ADCK1: variants seen among roughly 807,000 people sequenced by gnomAD.
ADCK1 encodes aarF domain containing kinase 1, also known as aarF domain-containing protein kinase 1.
ADCK1 carries 41 observed loss-of-function variants against 52.3 expected under a neutral mutation model. That is an observed-to-expected ratio of 0.78 (90% CI 0.61 to 1.02). The LOEUF is 1.02. Among genes scored for constraint, ADCK1 ranks in the 50% least tolerant of loss-of-function variants. The pLI, the probability that ADCK1 is intolerant of heterozygous loss-of-function variation, is 0.00. For synonymous variants in ADCK1, 250 were observed against 274.6 expected (o/e 0.91, Z 0.89); for missense variants, 658 against 679.5 (o/e 0.97, Z 0.35).
At chr14:77,918,334 C>G (rs1310913487) in intron 7 of ADCK1, among the ~76,000 whole-genome samples, 2 of 152,226 alleles carry the variant, frequency 1.3e-5, no homozygotes, top group Non-Finnish European at 2.9e-5. Flanking sequence ...CTGTCCTCAG[C>G]AACCTTCACC....
intron 3 of ADCK1, among the ~76,000 whole-genome samples, chr14:77,834,355 A>T (rs1263540889): frequency 1.3e-5 from 2 of 152,174 alleles, no homozygotes; most frequent in African/African-American, 4.8e-5. Flanking sequence ...GCAAGGTCGT[A>T]CTTTGAGAAA....
At chr14:77,899,492 TG>T (rs1273815837) in intron 6 of ADCK1, among the ~76,000 whole-genome samples, 1 of 152,226 alleles carries the variant, frequency 6.6e-6, no homozygotes, top group Non-Finnish European at 1.5e-5. Flanking sequence ...AGATGTTTAT[TG>T]AATAATCGAC....
At chr14:77,832,634 C>T (rs1330318842) in intron 3 of ADCK1, among the ~76,000 whole-genome samples, 2 of 152,160 alleles carry the variant, frequency 1.3e-5, no homozygotes, top group African/African-American at 4.8e-5. Flanking sequence ...CTCATTTAAT[C>T]AATAAAACAG....
chr14:77,887,182 C>T lies in ADCK1; in HGVS notation c.515C>T (p.Thr172Met), dbSNP rs142511548. Reference protein sequence around the residue: ...VHKAVLHDGRTVAVKVQHPKV... With the variant: ...VHKAVLHDGRMVAVKVQHPKV... ...AAGGCAGTGCTGCATGATGGGCGGA[C>T]GGTGGCCGTGAAGGTCCAGCACCCA... The change falls in exon 5 of 11, where the codon ACG becomes ATG. Residue 172 changes from threonine to methionine, a missense_variant. Physicochemically the swap from Thr to Met is moderately conservative, Grantham distance 81. Coordinates refer to ENST00000238561, the MANE Select transcript of ADCK1 (RefSeq NM_020421.4). 1.8e-4 allele frequency: 295 copies of T among 1,610,126 alleles called. No homozygotes were observed. The highest frequency in any genetic ancestry group is 2.9e-4 in the East Asian group (13 of 44,422).
At chr14:77,878,801 G>A (rs1425205628) in intron 4 of ADCK1, among the ~76,000 whole-genome samples, 1 of 152,186 alleles carries the variant, frequency 6.6e-6, no homozygotes, top group Non-Finnish European at 1.5e-5. Flanking sequence ...GGGGAATGCT[G>A]AAAGATTAGA....
intron 4 of ADCK1, among the ~76,000 whole-genome samples, chr14:77,886,422 A>G (rs931860477): frequency 1.3e-5 from 2 of 152,258 alleles, no homozygotes; most frequent in African/African-American, 4.8e-5. Context: ...TAGAAGGCAC[A>G]GTGGTGGACA....
At position 77,815,275 on chromosome 14, in the gene ADCK1, C is replaced by T. The variant is rs549017586; in HGVS notation, c.-11-3693C>T. ...CTAGAATGCAGTGGCGTGATCATGG[C>T]TCATTTCAGCCTCGAGACCTCCTAG... On this transcript the variant is annotated intron_variant, in intron 1 of 10. Transcript: ENST00000238561. Among the ~76,000 whole-genome samples the T allele has an allele frequency of 3.4e-5, 5 of 148,564 alleles. No individual in the cohort carries two copies. In the Admixed American group the frequency reaches 3.4e-4, roughly 10 times the overall value.
chr14:77,817,211 C>T (rs1313993878), intron 1 of ADCK1, among the ~76,000 whole-genome samples: 1 of 152,186 alleles, frequency 6.6e-6, no homozygotes, highest in Non-Finnish European at 1.5e-5. Context: ...CACTGCACTC[C>T]CGCCTGGGCG....
rs1363380821 is a variant in ADCK1, at chr14:77,807,117, G to A, written c.-12+6947G>A. Reference sequence around the variant, plus strand: ...GGAGTCTCGCTCTGTCGCCCAGGCTGGAGTGCAGTGGCGGGATCTCGGCTC... The same window carrying A: ...GGAGTCTCGCTCTGTCGCCCAGGCTAGAGTGCAGTGGCGGGATCTCGGCTC... On this transcript the variant is annotated intron_variant, in intron 1 of 10. Coordinates refer to ENST00000238561, the MANE Select transcript of ADCK1 (RefSeq NM_020421.4). Among the ~76,000 whole-genome samples the A allele has an allele frequency of 5.8e-5, 7 of 120,208 alleles. No individual in the cohort carries two copies. In the East Asian group the frequency reaches 1.9e-3, roughly 32 times the overall value. The allele number at this position is 120,208 out of a possible 152,430, so 78.9% of individuals were successfully genotyped here.
rs556695168 is a variant in ADCK1, at chr14:77,806,498, G to A, written c.-12+6328G>A. Among the ~76,000 whole-genome samples the A allele has an allele frequency of 1.9e-3, 288 of 152,204 alleles. 1 individual carries two copies. Among genetic ancestry groups the A allele is most frequent in the Non-Finnish European group, 3.4e-3 (234 of 68,014 alleles). On this transcript the variant is annotated intron_variant, in intron 1 of 10. Coordinates refer to ENST00000238561, the MANE Select transcript of ADCK1 (RefSeq NM_020421.4). ...TATTTGCTTTTAATTTGGTCTTGAGGTCTCTCTCCAGAGAGATCTAGCTCT... is the reference window on the plus strand; with the variant it reads ...TATTTGCTTTTAATTTGGTCTTGAGATCTCTCTCCAGAGAGATCTAGCTCT...
intron 4 of ADCK1, among the ~76,000 whole-genome samples, chr14:77,885,391 T>A (rs2083125818): frequency 1.3e-5 from 2 of 152,132 alleles, no homozygotes; most frequent in African/African-American, 4.8e-5. Flanking sequence ...GGGAAGCGAA[T>A]CCCATACCCA....
intron 3 of ADCK1, among the ~76,000 whole-genome samples, chr14:77,858,646 A>G (rs995296168): frequency 3.3e-5 from 5 of 152,042 alleles, no homozygotes; most frequent in Non-Finnish European, 5.9e-5. Flanking sequence ...ACATATGACC[A>G]TGTTTTATAA....
chr14:77,818,017 C>A (rs564693948), intron 1 of ADCK1, among the ~76,000 whole-genome samples: 1 of 152,034 alleles, frequency 6.6e-6, no homozygotes, highest in African/African-American at 2.4e-5. Context: ...GGATTACAGG[C>A]GTGAGCCACC....
intron 1 of ADCK1, among the ~76,000 whole-genome samples, chr14:77,808,206 A>C (rs759456529): frequency 6.6e-6 from 1 of 152,162 alleles, no homozygotes; most frequent in Non-Finnish European, 1.5e-5. Context: ...TTTGGGGTCA[A>C]GAGTGTTAAG....
Position 77,859,178 on chromosome 14 carries a change from C to T in ADCK1, c.322C>T (p.Pro108Ser). ...QHLGALDYLLPEEYTSTLKVL... is the reference protein window; with the variant it reads ...QHLGALDYLLSEEYTSTLKVL... ...CCTGGGGGCTCTGGACTACCTGTTG[C>T]CAGAGGAGTACACCAGCACGCTGAA... Residue 108 changes from proline (P) to serine (S), a missense_variant, in exon 4 of 11, where the codon CCA becomes TCA. Transcript: ENST00000238561. 6.2e-7 allele frequency: 1 copy of T among 1,613,984 alleles called. No homozygotes were observed. The highest frequency in any genetic ancestry group is 1.1e-5 in the South Asian group (1 of 91,066).
intron 3 of ADCK1, among the ~76,000 whole-genome samples, chr14:77,840,929 GAGGGAGGA>G (rs1187074807): frequency 8.3e-6 from 1 of 120,918 alleles, no homozygotes; most frequent in Non-Finnish European, 1.9e-5. Context: ...GGGAGGGAGG[GAGGGAGGA>G]AGGAAGGAAG....
intron 5 of ADCK1, among the ~76,000 whole-genome samples, chr14:77,898,012 C>T (rs1173636877): frequency 6.6e-6 from 1 of 152,160 alleles, no homozygotes; most frequent in African/African-American, 2.4e-5. Context: ...TGGGATAGCA[C>T]TTTGGTAGGC....
At chr14:77,833,463 T>C (rs916247395) in intron 3 of ADCK1, among the ~76,000 whole-genome samples, 1 of 152,226 alleles carries the variant, frequency 6.6e-6, no homozygotes, top group Non-Finnish European at 1.5e-5. Context: ...GAGTTTGTGA[T>C]AATTTCTGCA....
intron 1 of ADCK1, among the ~76,000 whole-genome samples, chr14:77,814,413 G>A (rs2140014647): frequency 7.5e-6 from 1 of 133,180 alleles, no homozygotes; most frequent in Admixed American, 8.2e-5. Context: ...AGACAATGAA[G>A]CCTCTCTTTA....
Sources: gnomAD v4.1 joint callset for allele counts (sites outside exome capture counted in the v4.1 genomes callset) on GRCh38, gnomAD v4.1.1 for gene constraint, MANE v1.5 for transcripts, NCBI Gene and HGNC (gene_info 2026-07-23, HGNC 2026-07-21) for gene names.